The following ADARB2 variants were observed in gnomAD, a reference collection of about 807,000 sequenced individuals.
ADARB2 encodes adenosine deaminase RNA specific B2 (inactive).
In ADARB2, 25 loss-of-function variants were observed where a neutral mutation model predicts 62.2. The observed-to-expected ratio is 0.40, with a 90% confidence interval of 0.29 to 0.56. The LOEUF (loss-of-function observed/expected upper bound fraction) is 0.56, where lower values mean the gene tolerates loss of function less well. ADARB2 is among the 20% of genes least tolerant of loss of function. The pLI is 0.43. For missense variants in ADARB2, 1,071 were observed against 1,077.4 expected (o/e 0.99, Z 0.08); for synonymous variants, 572 against 500.8 (o/e 1.14, Z -1.90).
chr10:1,531,567 C>A (rs566213448), intron 1 of ADARB2, among the ~76,000 whole-genome samples: 1 of 152,142 alleles, frequency 6.6e-6, no homozygotes, highest in Admixed American at 6.5e-5. Context: ...AGACTGGGTG[C>A]GGTGGCTCAC....
intron 3 of ADARB2, among the ~76,000 whole-genome samples, chr10:1,309,682 A>G (rs1831665660): frequency 1.3e-5 from 2 of 152,244 alleles, no homozygotes; most frequent in Non-Finnish European, 2.9e-5. Flanking sequence ...AGGATGAGCC[A>G]CTAGGCTCTG....
chr10:1,260,940 G>A (rs1331289544), intron 4 of ADARB2, among the ~76,000 whole-genome samples: 2 of 139,326 alleles, frequency 1.4e-5, no homozygotes, highest in Admixed American at 7.5e-5. Context: ...GCATGGTACT[G>A]GTACCAAAAC....
chr10:1,272,293 G>T (rs573795151), intron 3 of ADARB2, among the ~76,000 whole-genome samples: 15 of 152,286 alleles, frequency 9.8e-5, no homozygotes, highest in Admixed American at 3.9e-4. Flanking sequence ...CATTTCCACC[G>T]GGCGTGTGTG....
chr10:1,302,710 G>T (rs1319717598), intron 3 of ADARB2, among the ~76,000 whole-genome samples: 416 of 116,650 alleles, frequency 3.6e-3, no homozygotes, highest in Middle Eastern at 9.5e-3. Flanking sequence ...CCTCAAGTGG[G>T]TCCCTGACCC....
At chr10:1,474,521 A>G (rs1345353573) in intron 1 of ADARB2, among the ~76,000 whole-genome samples, 2 of 152,162 alleles carry the variant, frequency 1.3e-5, no homozygotes, top group East Asian at 3.9e-4. Context: ...CAGGACTGTG[A>G]ACTGAGTGAC....
At chr10:1,626,971 G>C (rs1833778445) in intron 1 of ADARB2, among the ~76,000 whole-genome samples, 1 of 151,870 alleles carries the variant, frequency 6.6e-6, no homozygotes, top group Admixed American at 6.6e-5. Flanking sequence ...GTGGGGTCCT[G>C]CTGCCCTCTC....
intron 1 of ADARB2, among the ~76,000 whole-genome samples, chr10:1,521,505 T>C (rs578070111): frequency 6.6e-6 from 1 of 152,360 alleles, no homozygotes; most frequent in African/African-American, 2.4e-5. Context: ...TGAGGCAATG[T>C]TGGGAAGTCG....
chr10:1,355,599 G>A (rs902194492), intron 3 of ADARB2, among the ~76,000 whole-genome samples: 13 of 152,252 alleles, frequency 8.5e-5, no homozygotes, highest in Admixed American at 5.9e-4. Context: ...ATAGAGACAA[G>A]TGGTGAAGCT....
intron 1 of ADARB2, among the ~76,000 whole-genome samples, chr10:1,721,622 T>C (rs1835093365): frequency 6.6e-6 from 1 of 152,268 alleles, no homozygotes; most frequent in Non-Finnish European, 1.5e-5. Context: ...TTTTATGCAT[T>C]ATTGCAACGG....
intron 3 of ADARB2, among the ~76,000 whole-genome samples, chr10:1,327,106 C>T (rs867806886): frequency 8.1e-5 from 8 of 99,320 alleles, no homozygotes; most frequent in Admixed American, 1.8e-4. Context: ...CAGCGCCTCC[C>T]CACGGCACAG....
At chr10:1,579,985 C>A (rs1297839835) in intron 1 of ADARB2, among the ~76,000 whole-genome samples, 1 of 152,190 alleles carries the variant, frequency 6.6e-6, no homozygotes, top group African/African-American at 2.4e-5. Context: ...ATTAGTTATC[C>A]CTGTTCACGA....
At chr10:1,280,141 A>G (rs1417068880) in intron 3 of ADARB2, among the ~76,000 whole-genome samples, 1 of 152,166 alleles carries the variant, frequency 6.6e-6, no homozygotes, top group Admixed American at 6.5e-5. Flanking sequence ...CACTAATCCC[A>G]TCAGATCAGG....
intron 3 of ADARB2, among the ~76,000 whole-genome samples, chr10:1,338,539 A>T (rs12782294): frequency 0.32 from 48,734 of 152,168 alleles, 7,958 homozygotes; most frequent in Middle Eastern, 0.41. Context: ...GTTGTTTAGA[A>T]TGACGCAGGG....
intron 1 of ADARB2, among the ~76,000 whole-genome samples, chr10:1,645,412 C>A (rs1445013435): frequency 6.6e-6 from 1 of 152,246 alleles, no homozygotes; most frequent in Non-Finnish European, 1.5e-5. Flanking sequence ...GGAACTCCCA[C>A]TGCCCCTGCA....
At chr10:1,730,557 C>A (rs2119046482) in intron 1 of ADARB2, among the ~76,000 whole-genome samples, 1 of 152,324 alleles carries the variant, frequency 6.6e-6, no homozygotes, top group African/African-American at 2.4e-5. Flanking sequence ...GCTGAAAAAA[C>A]TTTCAAAAAT....
chr10:1,325,415 C>G (rs1021538308), intron 3 of ADARB2, among the ~76,000 whole-genome samples: 1 of 152,188 alleles, frequency 6.6e-6, no homozygotes, highest in African/African-American at 2.4e-5. Flanking sequence ...TTCATATCCT[C>G]ACGTTCCAGC....
chr10:1,433,261 T>C (rs1588256033), intron 1 of ADARB2, among the ~76,000 whole-genome samples: 1 of 151,942 alleles, frequency 6.6e-6, no homozygotes, highest in South Asian at 2.1e-4. Context: ...AGGGCTGGGG[T>C]CTCTCGTGTG....
At chr10:1,219,010 A>G (rs1830657775) in intron 6 of ADARB2, among the ~76,000 whole-genome samples, 1 of 145,212 alleles carries the variant, frequency 6.9e-6, no homozygotes, top group Non-Finnish European at 1.5e-5. Context: ...AGATTGTGCC[A>G]CTGTACTCCA....
chr10:1,322,142 GTTT>G (rs1292982931), intron 3 of ADARB2, among the ~76,000 whole-genome samples: 1 of 152,218 alleles, frequency 6.6e-6, no homozygotes, highest in African/African-American at 2.4e-5. Flanking sequence ...TCCTGGCTGT[GTTT>G]TTAATGAAGC....
Sources: allele counts gnomAD v4.1 joint callset (sites outside exome capture counted in the v4.1 genomes callset), GRCh38; gene constraint gnomAD v4.1.1; transcripts MANE v1.5; gene names NCBI Gene and HGNC (gene_info 2026-07-23, HGNC 2026-07-21).